NTM: variants seen among roughly 807,000 people sequenced by gnomAD.
NTM encodes neurotrimin.
In NTM, 13 loss-of-function variants were observed where a neutral mutation model predicts 42.1. The observed-to-expected ratio is 0.31, with a 90% CI of 0.20 to 0.49. NTM has a LOEUF of 0.49. Among genes scored for constraint, NTM ranks in the 20% least tolerant of loss-of-function variants. The probability of loss-of-function intolerance (pLI) is 0.99; values close to 1 mark genes in which losing one functional copy is unlikely to be tolerated. For synonymous variants in NTM, 187 were observed against 179.2 expected (o/e 1.04, Z -0.35); for missense variants, 373 against 452.8 (o/e 0.82, Z 1.60).
At chr11:131,630,256 A>G (rs1230639835) in intron 1 of NTM, among the ~76,000 whole-genome samples, 1 of 152,290 alleles carries the variant, frequency 6.6e-6, no homozygotes, top group South Asian at 2.1e-4. Flanking sequence ...GGAGAAATCC[A>G]TTACATTTAA....
intron 1 of NTM, among the ~76,000 whole-genome samples, chr11:131,804,686 C>T (rs2092379595): frequency 6.6e-6 from 1 of 152,130 alleles, no homozygotes; most frequent in South Asian, 2.1e-4. Flanking sequence ...TTCCTTGTAC[C>T]CCCAGGCCGC....
chr11:131,767,905 A>G (rs11222784), intron 1 of NTM, among the ~76,000 whole-genome samples: 42,844 of 151,920 alleles, frequency 0.28, 6,535 homozygotes, highest in East Asian at 0.4. Flanking sequence ...GTCATTTGTA[A>G]GGTAGTTTTA....
chr11:131,446,388 C>T (rs2136011305), intron 1 of NTM, among the ~76,000 whole-genome samples: 1 of 152,272 alleles, frequency 6.6e-6, no homozygotes, highest in South Asian at 2.1e-4. Context: ...TGTTCTTCTC[C>T]CAAATTTCCC....
chr11:131,551,573 T>C (rs374097013), intron 1 of NTM, among the ~76,000 whole-genome samples: 2 of 152,282 alleles, frequency 1.3e-5, no homozygotes, highest in East Asian at 1.9e-4. Context: ...TTCAGACACA[T>C]GAAATCATGA....
Position 131,629,134 on chromosome 11 carries a change from G to A in NTM, c.82+258246G>A, listed in dbSNP as rs187318270. ...GTGCAGCTTGTGGCTGAGGGTTTGA[G>A]GAATTTTTCTATCATCCCTTTAAAT... On this transcript the variant is annotated intron_variant, in intron 1 of 8. Transcript: ENST00000683400. Among the ~76,000 whole-genome samples the A allele has an allele frequency of 1.1e-4, 17 of 152,326 alleles. No homozygotes were observed. In the East Asian group the frequency reaches 3.3e-3, roughly 29 times the overall value.
At chr11:131,572,206 A>G (rs2057507603) in intron 1 of NTM, among the ~76,000 whole-genome samples, 1 of 152,048 alleles carries the variant, frequency 6.6e-6, no homozygotes, top group Admixed American at 6.5e-5. Flanking sequence ...CACTGGCCAC[A>G]GTGCTTCCTA....
Position 131,974,604 on chromosome 11 carries a change from A to T in NTM, c.167+62956A>T, listed in dbSNP as rs75808309. On this transcript the variant is annotated intron_variant, in intron 2 of 8. Transcript: ENST00000683400. ...AATGTGAAAAGAGATTAGAAGATGT[A>T]AGCATGGGCTCTTGGATCTGACTGC... Among the ~76,000 whole-genome samples, 580 of 152,320 alleles carry T rather than the reference A, an allele frequency of 3.8e-3. 4 individuals are homozygous for T. The highest frequency in any genetic ancestry group is 0.014 in the African/African-American group (562 of 41,578).
intron 1 of NTM, among the ~76,000 whole-genome samples, chr11:131,475,617 T>G (rs1952849815): frequency 6.6e-6 from 1 of 152,104 alleles, no homozygotes; most frequent in Admixed American, 6.5e-5. Flanking sequence ...CAAGTTAATA[T>G]TTAGATCACT....
intron 2 of NTM, among the ~76,000 whole-genome samples, chr11:131,942,031 C>T (rs2059845572): frequency 6.6e-6 from 1 of 152,054 alleles, no homozygotes; most frequent in African/African-American, 2.4e-5. Flanking sequence ...ATTGATTATC[C>T]ATTTAATGCC....
chr11:131,426,424 G>T (rs951065292), intron 1 of NTM, among the ~76,000 whole-genome samples: 2 of 152,136 alleles, frequency 1.3e-5, no homozygotes, highest in Non-Finnish European at 2.9e-5. Flanking sequence ...CCTGCTTTTA[G>T]CTCAAAGGAG....
intron 1 of NTM, among the ~76,000 whole-genome samples, chr11:131,463,328 G>A (rs1469681964): frequency 6.6e-6 from 1 of 152,200 alleles, no homozygotes; most frequent in Non-Finnish European, 1.5e-5. Context: ...TCACCAGGAG[G>A]TCCTAGACCA....
At chr11:131,794,324 G>A (rs562131656) in intron 1 of NTM, among the ~76,000 whole-genome samples, 222 of 152,280 alleles carry the variant, frequency 1.5e-3, no homozygotes, top group African/African-American at 5.2e-3. Context: ...TTAAGGCAAT[G>A]GAAGAAAGGG....
At chr11:131,559,822 A>C (rs1454905139) in intron 1 of NTM, among the ~76,000 whole-genome samples, 1 of 152,172 alleles carries the variant, frequency 6.6e-6, no homozygotes, top group Admixed American at 6.5e-5. Context: ...TGAGAGGCTC[A>C]CTTTCGTTCC....
chr11:131,867,464 TGTGTGTGTCTGA>T (rs1398926116), intron 1 of NTM, among the ~76,000 whole-genome samples: 1 of 151,710 alleles, frequency 6.6e-6, no homozygotes, highest in Admixed American at 6.6e-5. Context: ...TGTGTGTGTC[TGTGTGTGTCTGA>T]GTGTGTGTCT....
At chr11:131,911,433 G>C (rs745482971) in intron 1 of NTM, 131 bp from the exon 2 acceptor site, 2 of 1,613,148 alleles carry the variant, frequency 1.2e-6, no homozygotes, top group East Asian at 2.2e-5. Context: ...CGCCCGGGGG[G>C]CGTGTGCCGT....
intron 2 of NTM, among the ~76,000 whole-genome samples, chr11:131,924,187 C>T (rs530087436): frequency 6.6e-6 from 1 of 152,326 alleles, no homozygotes; most frequent in East Asian, 1.9e-4. Context: ...TACAGTTACA[C>T]AGACATCTGG....
intron 1 of NTM, among the ~76,000 whole-genome samples, chr11:131,704,776 G>C (rs1487012642): frequency 6.6e-6 from 1 of 152,030 alleles, no homozygotes; most frequent in Non-Finnish European, 1.5e-5. Flanking sequence ...TCAACAAAAA[G>C]AAACCATTTT....
At chr11:132,204,417 A>G (rs920851827) in intron 3 of NTM, among the ~76,000 whole-genome samples, 2 of 152,216 alleles carry the variant, frequency 1.3e-5, no homozygotes, top group Admixed American at 6.5e-5. Flanking sequence ...ACCATTTTCA[A>G]TGAACGAGAC....
intron 1 of NTM, among the ~76,000 whole-genome samples, chr11:131,825,628 A>G (rs2042037893): frequency 6.6e-6 from 1 of 152,206 alleles, no homozygotes; most frequent in South Asian, 2.1e-4. Context: ...AGTTGCAGCC[A>G]TTCGGGTGAG....
Sources: allele counts gnomAD v4.1 joint callset (sites outside exome capture counted in the v4.1 genomes callset), GRCh38; gene constraint gnomAD v4.1.1; transcripts MANE v1.5; gene names NCBI Gene and HGNC (gene_info 2026-07-23, HGNC 2026-07-21).